Variants in CCDC150 observed in about 807,000 individuals in gnomAD.
The protein encoded by CCDC150 is coiled-coil domain-containing protein 150.
A neutral mutation model predicts 156.5 loss-of-function variants in CCDC150; 151 were observed. The observed-to-expected ratio is 0.97, with a 90% CI of 0.85 to 1.10. The LOEUF (loss-of-function observed/expected upper bound fraction) is 1.10. CCDC150 is among the 50% of genes least tolerant of loss of function. The probability of loss-of-function intolerance (pLI) is 0.00; values close to 1 mark genes in which losing one functional copy is unlikely to be tolerated. For missense variants in CCDC150, 1,312 were observed against 1,268.1 expected (o/e 1.03, Z -0.53); for synonymous variants, 452 against 429.4 (o/e 1.05, Z -0.65).
chr2:196,656,783 C>T lies in CCDC150; in HGVS notation c.327C>T (p.Ser109=), dbSNP rs1234801816. 1 of 1,613,720 alleles carries T rather than the reference C, an allele frequency of 6.2e-7. No homozygotes were observed. The highest frequency in any genetic ancestry group is 2.2e-5 in the East Asian group (1 of 44,884). Residue 109 remains serine (S), a synonymous_variant, in exon 3 of 28, where the codon AGC becomes AGT. Coordinates refer to ENST00000389175, the MANE Select transcript of CCDC150 (RefSeq NM_001080539.2). ...FLVNRMCRLE[S]LMQSLKMNIF... ...TAAATCGAATGTGCCGTCTTGAAAG[C>T]CTCATGCAGTCCTTGAAGATGAACA...
At chr2:196,676,495 C>T in intron 11 of CCDC150, 59 bp from the exon 12 acceptor site, 1 of 1,449,714 alleles carries the variant, frequency 6.9e-7, no homozygotes. Context: ...TTTAATTGCT[C>T]TTTCTGTTAA....
chr2:196,725,022 T>G (rs186610694), intron 21 of CCDC150, among the ~76,000 whole-genome samples: 2 of 152,174 alleles, frequency 1.3e-5, no homozygotes, highest in Non-Finnish European at 2.9e-5. Flanking sequence ...CCTGCAAGTC[T>G]CATGTATAGA....
intron 13 of CCDC150, among the ~76,000 whole-genome samples, chr2:196,679,108 A>C (rs1414851999): frequency 1.3e-5 from 2 of 152,216 alleles, no homozygotes; most frequent in African/African-American, 4.8e-5. Context: ...TTGTGGTATA[A>C]ATTGATTTTT....
chr2:196,731,719 A>AT (rs1270060375), intron 26 of CCDC150, among the ~76,000 whole-genome samples: 1 of 151,624 alleles, frequency 6.6e-6, no homozygotes, highest in Non-Finnish European at 1.5e-5. Flanking sequence ...TCTTTTGTGC[A>AT]TTTTTTTCAT....
At chr2:196,649,442 G>C (rs1692744321) in intron 2 of CCDC150, among the ~76,000 whole-genome samples, 1 of 152,038 alleles carries the variant, frequency 6.6e-6, no homozygotes, top group Non-Finnish European at 1.5e-5. Flanking sequence ...TCTATGTTTA[G>C]ATATACAAAT....
chr2:196,674,120 G>A, intron 9 of CCDC150, 121 bp from the exon 10 acceptor site: 1 of 618,070 alleles, frequency 1.6e-6, no homozygotes, highest in Non-Finnish European at 2.8e-6. Context: ...TTGAGGATAG[G>A]TTAAATAGAT....
chr2:196,729,947 A>G lies in CCDC150; in HGVS notation c.2821-10A>G, dbSNP rs773164819. ...GTTCACCAAATGTCTCTGTCTTTGT[A>G]TCCTTCCAGTCTTTGAGTATCCAGA... On this transcript the variant is annotated splice_polypyrimidine_tract_variant and intron_variant, in intron 24 of 27. Coordinates refer to ENST00000389175, the MANE Select transcript of CCDC150 (RefSeq NM_001080539.2). 6.2e-7 allele frequency: 1 copy of G among 1,610,940 alleles called. No homozygotes were observed. Among genetic ancestry groups the G allele is most frequent in the Non-Finnish European group, 8.5e-7 (1 of 1,178,696 alleles).
intron 2 of CCDC150, among the ~76,000 whole-genome samples, chr2:196,646,706 A>G (rs1437922488): frequency 6.6e-6 from 1 of 152,196 alleles, no homozygotes; most frequent in Non-Finnish European, 1.5e-5. Flanking sequence ...TTTTTCCTAA[A>G]CAGATATTTA....
At chr2:196,687,610 C>G (rs899469892) in intron 13 of CCDC150, among the ~76,000 whole-genome samples, 4 of 152,240 alleles carry the variant, frequency 2.6e-5, no homozygotes, top group Admixed American at 6.5e-5. Context: ...TAATTAGATC[C>G]CATTTGTCAA....
intron 20 of CCDC150, among the ~76,000 whole-genome samples, 152 bp from the exon 21 acceptor site, chr2:196,721,370 T>G (rs1410521397): frequency 4.4e-5 from 1 of 22,836 alleles, no homozygotes; most frequent in African/African-American, 1.7e-4. Flanking sequence ...ATATATATAT[T>G]TTCCAGGCAG....
At chr2:196,696,123 G>T (rs1045486286) in intron 14 of CCDC150, among the ~76,000 whole-genome samples, 2 of 152,132 alleles carry the variant, frequency 1.3e-5, no homozygotes, top group South Asian at 4.1e-4. Flanking sequence ...AGTTTTGGCT[G>T]TGACCTCGGG....
chr2:196,653,218 T>C (rs1559215606), intron 2 of CCDC150, among the ~76,000 whole-genome samples: 1 of 152,218 alleles, frequency 6.6e-6, no homozygotes. Flanking sequence ...TTCCTGAAAA[T>C]GTTCTTTCAT....
rs146765179 is a variant in CCDC150 at position 196,721,361 on chromosome 2, T to TATATATATATATACACACACATATATAC, written c.2260-153_2260-152insATATACACACACATATATACATATATAT. 4.0e-5 allele frequency among the ~76,000 whole-genome samples: 2 copies of TATATATATATATACACACACATATATAC among 49,812 alleles called. 1 individual carries two copies. The highest frequency in any genetic ancestry group is 9.4e-5 in the Non-Finnish European group (2 of 21,180). 32.7% of individuals were successfully genotyped at this position (49,812 alleles called of 152,430 possible). ...ATTCATATATGTGTGTGCATATATA[T>TATATATATATATACACACACATATATAC]ATATATATTTTCCAGGCAGCTGGAA... On this transcript the variant is annotated intron_variant, in intron 20 of 27. Transcript: ENST00000389175.
At chr2:196,660,727 G>A (rs1010352756) in intron 5 of CCDC150, among the ~76,000 whole-genome samples, 1 of 152,136 alleles carries the variant, frequency 6.6e-6, no homozygotes, top group Non-Finnish European at 1.5e-5. Flanking sequence ...GATGTGTTAT[G>A]CAATTATTTT....
intron 2 of CCDC150, among the ~76,000 whole-genome samples, chr2:196,650,107 G>A (rs1575750695): frequency 1.3e-5 from 2 of 152,200 alleles, no homozygotes; most frequent in East Asian, 3.8e-4. Flanking sequence ...TCACCGTTGA[G>A]CATGATGTTA....
intron 10 of CCDC150, among the ~76,000 whole-genome samples, chr2:196,675,073 A>G (rs1220924942): frequency 6.6e-6 from 1 of 152,136 alleles, no homozygotes; most frequent in African/African-American, 2.4e-5. Context: ...TCCAGAGTCA[A>G]TGTATATAAT....
intron 4 of CCDC150, chr2:196,657,502 G>C (rs1192067339): frequency 1.5e-5 from 3 of 197,908 alleles, no homozygotes; most frequent in Admixed American, 1.1e-4. Context: ...TACAGAATAG[G>C]ATAGGACAAA....
intron 15 of CCDC150, 111 bp from the exon 16 acceptor site, chr2:196,712,034 T>A (rs1390327199): frequency 1.1e-5 from 4 of 351,490 alleles, no homozygotes; most frequent in South Asian, 1.2e-4. Context: ...TTTTTTTTTT[T>A]ACAACTCATG....
intron 13 of CCDC150, among the ~76,000 whole-genome samples, chr2:196,679,114 T>A (rs1694668891): frequency 6.6e-6 from 1 of 152,228 alleles, no homozygotes; most frequent in Non-Finnish European, 1.5e-5. Context: ...TATAAATTGA[T>A]TTTTAAAATA....
Sources: gnomAD v4.1 joint callset for allele counts (sites outside exome capture counted in the v4.1 genomes callset) on GRCh38, gnomAD v4.1.1 for gene constraint, MANE v1.5 for transcripts, NCBI Gene and HGNC (gene_info 2026-07-23, HGNC 2026-07-21) for gene names.